The following AVL9 variants were observed in gnomAD, a reference collection of about 807,000 sequenced individuals.
AVL9 encodes late secretory pathway protein AVL9 homolog.
A neutral mutation model predicts 79.2 loss-of-function variants in AVL9; 49 were observed. That is an observed-to-expected ratio of 0.62 (90% CI 0.49 to 0.79). The LOEUF is 0.79. AVL9 is among the 30% of genes least tolerant of loss of function. The pLI is 0.00. For synonymous variants in AVL9, 299 were observed against 280.6 expected (o/e 1.07, Z -0.65); for missense variants, 682 against 776.8 (o/e 0.88, Z 1.45).
At chr7:32,534,029 C>T (rs1016371583) in intron 1 of AVL9, 1 of 152,150 alleles carries the variant, frequency 6.6e-6, no homozygotes, top group Non-Finnish European at 1.5e-5. Context: ...TGGAATCTGA[C>T]TAGAGGACAC....
At chr7:32,500,339 A>G (rs879412678) in intron 1 of AVL9, among the ~76,000 whole-genome samples, 22 of 152,286 alleles carry the variant, frequency 1.4e-4, no homozygotes, top group South Asian at 4.2e-4. Context: ...CTAATGACCA[A>G]TGATGATGAG....
chr7:32,578,858 A>G (rs1384792020), intron 13 of AVL9, among the ~76,000 whole-genome samples: 1 of 152,174 alleles, frequency 6.6e-6, no homozygotes, highest in Non-Finnish European at 1.5e-5. Context: ...TGTCATTTAG[A>G]AATATTTCAA....
At chr7:32,509,506 G>C (rs1787561530) in intron 1 of AVL9, among the ~76,000 whole-genome samples, 1 of 152,082 alleles carries the variant, frequency 6.6e-6, no homozygotes, top group Admixed American at 6.6e-5. Context: ...CAGTCCTATA[G>C]TTTGCTTTGT....
At chr7:32,579,318 T>C (rs1791250975) in intron 13 of AVL9, among the ~76,000 whole-genome samples, 1 of 64,964 alleles carries the variant, frequency 1.5e-5, no homozygotes, top group East Asian at 4.8e-4. Flanking sequence ...ATATTATATA[T>C]ATTTTATATA....
intron 10 of AVL9, among the ~76,000 whole-genome samples, chr7:32,560,373 T>C (rs1790280872): frequency 6.9e-6 from 1 of 144,956 alleles, no homozygotes; most frequent in Non-Finnish European, 1.5e-5. Flanking sequence ...TGAATAAAAA[T>C]CCTTTGTTGT....
chr7:32,544,137 T>C (rs1789354661), intron 2 of AVL9, among the ~76,000 whole-genome samples: 1 of 152,222 alleles, frequency 6.6e-6, no homozygotes, highest in Non-Finnish European at 1.5e-5. Context: ...ATTTTCTTTA[T>C]ATTTGTGTAT....
At chr7:32,515,279 G>T (rs560495163) in intron 1 of AVL9, among the ~76,000 whole-genome samples, 1 of 152,156 alleles carries the variant, frequency 6.6e-6, no homozygotes, top group Non-Finnish European at 1.5e-5. Context: ...ATTGGCAACC[G>T]ATGAAAGAGA....
In AVL9 at chr7:32,585,535, T is replaced by G. The variant is rs1431654951; in HGVS notation, c.*1628T>G. ...AACAAGGGATACTTGGGAAATACAT[T>G]GTGAGTATGATCTATCCCAGATTGC... On this transcript the variant is annotated 3_prime_UTR_variant, in exon 16 of 16. Coordinates refer to ENST00000318709, the MANE Select transcript of AVL9 (RefSeq NM_015060.3). 2.0e-5 allele frequency: 3 copies of G among 152,206 alleles called. No homozygotes were observed. The highest frequency in any genetic ancestry group is 7.2e-5 in the African/African-American group (3 of 41,462). The allele number at this position is 152,206 out of a possible 1,614,324, so 9.4% of individuals were successfully genotyped here.
At chr7:32,578,033 A>T (rs1435024628) in intron 13 of AVL9, among the ~76,000 whole-genome samples, 1 of 152,218 alleles carries the variant, frequency 6.6e-6, no homozygotes, top group East Asian at 1.9e-4. Context: ...ACCCGCCAAC[A>T]GGGTACACAA....
At chr7:32,503,357 GAGAGATATAT>G (rs1787244040) in intron 1 of AVL9, among the ~76,000 whole-genome samples, 3 of 89,398 alleles carry the variant, frequency 3.4e-5, no homozygotes, top group African/African-American at 4.6e-5. Context: ...TATAGATATA[GAGAGATATAT>G]ATATATACAC....
At chr7:32,515,210 C>T (rs1346302862) in intron 1 of AVL9, among the ~76,000 whole-genome samples, 5 of 152,190 alleles carry the variant, frequency 3.3e-5, no homozygotes, top group African/African-American at 1.2e-4. Context: ...TCTTTAACCT[C>T]GGCAAAATAA....
rs146461964 is a variant in AVL9 at position 32,552,259 on chromosome 7, G to A, written c.493G>A (p.Gly165Arg). ...TTATGAACATATGAATAGTTCCTTG[G>A]GAGGTGCTTCATTAGAAGGATCCCA... ...ELYEHMNSSL[G>R]GASLEGSQVY... is the part of the protein sequence containing the mutation. The change falls in exon 6 of 16, where the codon GGA becomes AGA. Residue 165 changes from glycine (G) to arginine (R), a missense_variant. Gly to Arg is a moderately radical substitution (Grantham distance 125). Transcript: ENST00000318709. 21 of 1,604,012 alleles carry A rather than the reference G, an allele frequency of 1.3e-5. No individual in the cohort carries two copies. The Admixed American group carries it at 2.7e-4, about 20-fold the overall frequency.
chr7:32,546,451 A>C (rs28428493), intron 3 of AVL9, among the ~76,000 whole-genome samples: 97,861 of 151,998 alleles, frequency 0.64, 32,021 homozygotes, highest in Admixed American at 0.73. Flanking sequence ...AAAGCTAAAG[A>C]TATTATGTCA....
intron 1 of AVL9, among the ~76,000 whole-genome samples, chr7:32,513,353 A>C (rs764846867): frequency 1.1e-4 from 16 of 152,236 alleles, no homozygotes; most frequent in Non-Finnish European, 1.8e-4. Flanking sequence ...CAGCATTACT[A>C]TCATCACAGA....
chr7:32,544,876 GTT>G, intron 3 of AVL9, 97 bp downstream of exon 3: 1 of 834,642 alleles, frequency 1.2e-6, no homozygotes, highest in Non-Finnish European at 1.9e-6. Flanking sequence ...CTGTAATGTT[GTT>G]TTAGATTTTT....
At chr7:32,571,540 A>AG (rs1790845975) in intron 11 of AVL9, among the ~76,000 whole-genome samples, 1 of 152,150 alleles carries the variant, frequency 6.6e-6, no homozygotes, top group Non-Finnish European at 1.5e-5. Context: ...AAAAAAAAGA[A>AG]GAAAAAAAAT....
At position 32,559,397 on chromosome 7, in the gene AVL9, T is replaced by G. The variant is rs1648623959; in HGVS notation, c.1148T>G (p.Leu383Arg). Residue 383 changes from leucine to arginine, a missense_variant, in exon 10 of 16, where the codon CTG becomes CGG. Transcript: ENST00000318709. ...QPQANTGQVV[L>R]IPGLISGLEE... ...CAAGCTAATACGGGACAGGTAGTCCTGATACCAGGGCTCATTTCGGGTTTG... is the reference window on the plus strand; with the variant it reads ...CAAGCTAATACGGGACAGGTAGTCCGGATACCAGGGCTCATTTCGGGTTTG... The G allele has an allele frequency of 6.2e-7, 1 of 1,611,478 alleles. No homozygotes were observed. The highest frequency in any genetic ancestry group is 1.3e-5 in the African/African-American group (1 of 74,840).
Position 32,583,820 on chromosome 7 carries a change from T to G in AVL9, c.1860T>G (p.Ser620Arg). 1 of 1,614,100 alleles carries G rather than the reference T, an allele frequency of 6.2e-7. No homozygotes were observed. The highest frequency in any genetic ancestry group is 8.5e-7 in the Non-Finnish European group (1 of 1,179,928). The change falls in exon 16 of 16, where the codon AGT becomes AGG. Residue 620 changes from serine to arginine, a missense_variant. Physicochemically the swap from Ser to Arg is moderately radical, Grantham distance 110. Coordinates refer to ENST00000318709, the MANE Select transcript of AVL9 (RefSeq NM_015060.3). The stretch of plus-strand genomic sequence containing the variant: ...AGTCAGTTGGAGGAGCTTTTTCCAG[T>G]GCAAAGACAGCTATGTCTTCATGGC... Reference protein sequence around the residue: ...VGQSVGGAFSSAKTAMSSWLS... With the variant: ...VGQSVGGAFSRAKTAMSSWLS...
rs1458762007 is a variant in AVL9, at chr7:32,588,154, A to C, written c.*4247A>C. On this transcript the variant is annotated 3_prime_UTR_variant, in exon 16 of 16. Transcript: ENST00000318709. ...ATCTTATTTTTCATCAGGTTCTCACACCCACGTAGTATGCTGCTCAAATTT... is the reference window on the plus strand; with the variant it reads ...ATCTTATTTTTCATCAGGTTCTCACCCCCACGTAGTATGCTGCTCAAATTT... 2.6e-5 allele frequency: 4 copies of C among 152,172 alleles called. No homozygotes were observed. The highest frequency in any genetic ancestry group is 1.9e-4 in the East Asian group (1 of 5,200). The allele number at this position is 152,172 out of a possible 1,614,324, so 9.4% of individuals were successfully genotyped here. A position where few individuals can be genotyped will look rare whatever the true frequency, so the allele number is the denominator to read the frequency against.
Sources: allele counts gnomAD v4.1 joint callset (sites outside exome capture counted in the v4.1 genomes callset), GRCh38; gene constraint gnomAD v4.1.1; transcripts MANE v1.5; gene names NCBI Gene and HGNC (gene_info 2026-07-23, HGNC 2026-07-21).